Variants in DLGAP4 observed in about 807,000 individuals in gnomAD.
DLGAP4 encodes disks large-associated protein 4.
Under a neutral mutation model 86.9 loss-of-function variants are expected in DLGAP4, and 18 were observed. The observed-to-expected ratio is 0.21, with a 90% CI of 0.14 to 0.31. DLGAP4 has a LOEUF of 0.31. Among genes scored for constraint, DLGAP4 ranks in the 10% least tolerant of loss-of-function variants. The pLI is 1.00. For missense variants in DLGAP4, 1,085 were observed against 1,362.6 expected, an observed-to-expected ratio of 0.80 and a Z score of 3.21; for synonymous variants, 548 against 574.3, an observed-to-expected ratio of 0.95 and a Z score of 0.65.
intron 7 of DLGAP4, among the ~76,000 whole-genome samples, chr20:36,464,054 T>C (rs2034228169): frequency 6.6e-6 from 1 of 152,226 alleles, no homozygotes; most frequent in Non-Finnish European, 1.5e-5. Flanking sequence ...TTGACCTTTT[T>C]ACTGTGTACG....
At chr20:36,403,372 C>T (rs1457596347) in intron 2 of DLGAP4, among the ~76,000 whole-genome samples, 1 of 152,116 alleles carries the variant, frequency 6.6e-6, no homozygotes, top group Non-Finnish European at 1.5e-5. Context: ...TCCCACCTCC[C>T]AAGACTGTCA....
chr20:36,506,554 C>T (rs1356096722), intron 10 of DLGAP4, among the ~76,000 whole-genome samples: 3 of 152,336 alleles, frequency 2.0e-5, no homozygotes, highest in East Asian at 3.9e-4. Flanking sequence ...AGTGCCCACC[C>T]ACCCAGGTGG....
intron 1 of DLGAP4, among the ~76,000 whole-genome samples, chr20:36,317,598 T>A (rs1366988501): frequency 1.4e-5 from 2 of 144,266 alleles, no homozygotes; most frequent in African/African-American, 5.1e-5. Flanking sequence ...GGATTACAGT[T>A]GCACATCACC....
At chr20:36,505,600 C>T (rs902049213) in intron 10 of DLGAP4, among the ~76,000 whole-genome samples, 1 of 151,866 alleles carries the variant, frequency 6.6e-6, no homozygotes, top group Non-Finnish European at 1.5e-5. Context: ...CATAGCGAGA[C>T]CCCCATCTCT....
chr20:36,452,771 A>C (rs938643879), intron 7 of DLGAP4, among the ~76,000 whole-genome samples: 5 of 151,002 alleles, frequency 3.3e-5, no homozygotes, highest in Non-Finnish European at 7.4e-5. Flanking sequence ...CGGCCTCCCA[A>C]AGTGTTGGGA....
intron 10 of DLGAP4, among the ~76,000 whole-genome samples, chr20:36,513,683 AAG>A (rs1284893220): frequency 6.6e-6 from 1 of 152,120 alleles, no homozygotes; most frequent in African/African-American, 2.4e-5. Context: ...CAATCTGTGT[AAG>A]AGAGACTTTA....
intron 1 of DLGAP4, among the ~76,000 whole-genome samples, chr20:36,323,175 C>CAAAAAAAAAAA (rs1164348704): frequency 2.8e-5 from 1 of 35,404 alleles, no homozygotes; most frequent in African/African-American, 6.5e-5. Flanking sequence ...GACCCTATCT[C>CAAAAAAAAAAA]AAAAAAAAAA....
chr20:36,325,150 T>C (rs1555890929), intron 1 of DLGAP4, among the ~76,000 whole-genome samples: 1 of 152,182 alleles, frequency 6.6e-6, no homozygotes, highest in Non-Finnish European at 1.5e-5. Context: ...TTTTGATATA[T>C]TATATTTTCA....
At chr20:36,405,663 C>T (rs2032297621) in intron 2 of DLGAP4, among the ~76,000 whole-genome samples, 1 of 152,078 alleles carries the variant, frequency 6.6e-6, no homozygotes, top group African/African-American at 2.4e-5. Flanking sequence ...ATCCAACCAT[C>T]CAGAGAACAT....
At chr20:36,410,930 C>T (rs1297523977) in intron 2 of DLGAP4, among the ~76,000 whole-genome samples, 2 of 152,144 alleles carry the variant, frequency 1.3e-5, no homozygotes, top group African/African-American at 4.8e-5. Flanking sequence ...TGTCCCCATC[C>T]CCACACTGTA....
At chr20:36,374,663 C>T (rs1197991071) in intron 2 of DLGAP4, among the ~76,000 whole-genome samples, 1 of 152,224 alleles carries the variant, frequency 6.6e-6, no homozygotes, top group Non-Finnish European at 1.5e-5. Flanking sequence ...GGACCCAATG[C>T]CCCTCAAGGG....
At chr20:36,471,168 C>T (rs183457467) in intron 7 of DLGAP4, among the ~76,000 whole-genome samples, 90 of 152,304 alleles carry the variant, frequency 5.9e-4, no homozygotes, top group Non-Finnish European at 7.9e-4. Context: ...TGCTTAGCAA[C>T]GGTGAAGCCA....
intron 7 of DLGAP4, among the ~76,000 whole-genome samples, chr20:36,448,760 C>T (rs550696845): frequency 6.6e-6 from 1 of 152,242 alleles, no homozygotes; most frequent in African/African-American, 2.4e-5. Context: ...ATGGTGAAAC[C>T]CCATCTGTAC....
At chr20:36,444,473 G>A (rs560573915) in intron 6 of DLGAP4, among the ~76,000 whole-genome samples, 9 of 151,882 alleles carry the variant, frequency 5.9e-5, no homozygotes, top group East Asian at 3.9e-4. Flanking sequence ...ACAGGGTCTC[G>A]CTGTGTTGCC....
At chr20:36,496,172 A>G (rs113718257) in intron 7 of DLGAP4, among the ~76,000 whole-genome samples, 5,862 of 152,048 alleles carry the variant, frequency 0.039, 383 homozygotes, top group African/African-American at 0.13. Context: ...GCGCCCGGCC[A>G]GATGTGTTCA....
In DLGAP4 at chr20:36,496,883, G is replaced by A. The variant is rs1452633328; in HGVS notation, c.1827G>A (p.Ser609=). 8.7e-6 allele frequency: 14 copies of A among 1,614,088 alleles called. No individual in the cohort carries two copies. Among genetic ancestry groups the A allele is most frequent in the African/African-American group, 8.0e-5 (6 of 74,934 alleles). The change falls in exon 8 of 13, where the codon TCG becomes TCA. Residue 609 remains serine, a synonymous_variant. Transcript: ENST00000339266. ...VTSQSGLSNS[S]DSLDSSTRPP... is the part of the protein sequence containing the mutation. ...GCCAGTCGGGCCTGAGCAACTCGTC[G>A]GACAGCCTGGACAGCAGTACCCGAC...
intron 10 of DLGAP4, among the ~76,000 whole-genome samples, chr20:36,504,307 C>G (rs1034871124): frequency 6.6e-6 from 1 of 152,124 alleles, no homozygotes; most frequent in Admixed American, 6.5e-5. Context: ...TTTCCTCGTC[C>G]TTTTGTGTTT....
intron 8 of DLGAP4, 182 bp from the exon 9 acceptor site, chr20:36,499,406 C>T: frequency 2.9e-6 from 4 of 1,386,494 alleles, no homozygotes; most frequent in Non-Finnish European, 3.9e-6. Flanking sequence ...CGCGAATGAG[C>T]AGTGCCCGGC....
chr20:36,462,995 A>C (rs1377347919), intron 7 of DLGAP4, among the ~76,000 whole-genome samples: 1 of 115,652 alleles, frequency 8.6e-6, no homozygotes, highest in Non-Finnish European at 1.7e-5. Flanking sequence ...TGAGTAATGA[A>C]ATTTTGCAGG....
Sources: gnomAD v4.1 joint callset for allele counts (sites outside exome capture counted in the v4.1 genomes callset) on GRCh38, gnomAD v4.1.1 for gene constraint, MANE v1.5 for transcripts, NCBI Gene and HGNC (gene_info 2026-07-23, HGNC 2026-07-21) for gene names.